RANBP2: variants seen among roughly 807,000 people sequenced by gnomAD.
The protein encoded by RANBP2 is RAN binding protein 2, also known as E3 SUMO-protein ligase RanBP2.
A neutral mutation model predicts 303.6 loss-of-function variants in RANBP2; 57 were observed. That is an observed-to-expected ratio of 0.19 (90% CI 0.15 to 0.23). The LOEUF is 0.23. Among genes scored for constraint, RANBP2 ranks in the 10% least tolerant of loss-of-function variants. The probability of loss-of-function intolerance (pLI) is 1.00; values close to 1 mark genes in which losing one functional copy is unlikely to be tolerated. For missense variants in RANBP2, 3,138 were observed against 3,780.8 expected (o/e 0.83, Z 4.46); for synonymous variants, 1,167 against 1,301.5 (o/e 0.90, Z 2.23).
the RANBP2 span, among the ~76,000 whole-genome samples, chr2:109,401,152 A>C: frequency 6.6e-6 from 1 of 152,130 alleles, no homozygotes; most frequent in African/African-American, 2.4e-5. Context: ...TGGTGCTAAG[A>C]CTGGGGGGAG....
At chr2:108,935,697 TG>T in the RANBP2 span, among the ~76,000 whole-genome samples, 7 of 152,230 alleles carry the variant, frequency 4.6e-5, no homozygotes, top group East Asian at 1.3e-3. Context: ...CCCTTAATCT[TG>T]TTAGAGTTCA....
chr2:109,717,227 A>G, the RANBP2 span, among the ~76,000 whole-genome samples: 6 of 151,238 alleles, frequency 4.0e-5, no homozygotes, highest in Non-Finnish European at 8.8e-5. Flanking sequence ...ATGTATTTCA[A>G]TATGCTTGCA....
chr2:109,643,634 A>G, the RANBP2 span, among the ~76,000 whole-genome samples: 1 of 151,754 alleles, frequency 6.6e-6, no homozygotes, highest in Non-Finnish European at 1.5e-5. Context: ...GCGTGGTGGC[A>G]CGTGACTGTG....
At chr2:109,077,241 G>T in the RANBP2 span, among the ~76,000 whole-genome samples, 1 of 150,474 alleles carries the variant, frequency 6.6e-6, no homozygotes, top group Admixed American at 6.6e-5. Flanking sequence ...AGCTCAAAAT[G>T]GATTAAAAAC....
the RANBP2 span, among the ~76,000 whole-genome samples, chr2:108,960,236 G>C: frequency 4.6e-5 from 7 of 152,328 alleles, no homozygotes; most frequent in East Asian, 1.2e-3. Flanking sequence ...GTCCACAAGA[G>C]CCTCAAACTG....
chr2:109,639,001 G>A, the RANBP2 span, among the ~76,000 whole-genome samples: 1 of 152,196 alleles, frequency 6.6e-6, no homozygotes, highest in Admixed American at 6.6e-5. Context: ...GCTAAGAGAC[G>A]TCGCCTGGAC....
chr2:108,929,349 A>C, the RANBP2 span: 1 of 1,614,042 alleles, frequency 6.2e-7, no homozygotes, highest in African/African-American at 1.3e-5. Flanking sequence ...ACGCAGCCGT[A>C]GTCCTCGTCT....
At chr2:109,507,250 G>A in the RANBP2 span, among the ~76,000 whole-genome samples, 1 of 152,126 alleles carries the variant, frequency 6.6e-6, no homozygotes. Context: ...CCCCCTTCCC[G>A]AGCCGGCCCC....
chr2:109,084,598 G>T, the RANBP2 span, among the ~76,000 whole-genome samples: 4 of 152,184 alleles, frequency 2.6e-5, no homozygotes, highest in African/African-American at 9.6e-5. Context: ...TCTTGTCTTT[G>T]CTTCTCAGAG....
At chr2:109,449,067 A>T in the RANBP2 span, 1 of 1,347,414 alleles carries the variant, frequency 7.4e-7, no homozygotes, top group Non-Finnish European at 1.0e-6. Flanking sequence ...AGAGGCTGTG[A>T]GTGCTCGAGA....
At chr2:109,606,320 C>CAGGAGA in the RANBP2 span, among the ~76,000 whole-genome samples, 22,472 of 152,044 alleles carry the variant, frequency 0.15, 2,188 homozygotes, top group Non-Finnish European at 0.22. Flanking sequence ...GAGGCTGAGG[C>CAGGAGA]AGGAGAATCG....
chr2:109,036,164 C>T, the RANBP2 span, among the ~76,000 whole-genome samples: 3 of 152,162 alleles, frequency 2.0e-5, no homozygotes, highest in Non-Finnish European at 2.9e-5. Flanking sequence ...CCAAACTCAA[C>T]GAGGATGATA....
At chr2:108,850,790 A>T in the RANBP2 span, among the ~76,000 whole-genome samples, 8 of 151,478 alleles carry the variant, frequency 5.3e-5, no homozygotes, top group African/African-American at 1.9e-4. Flanking sequence ...TCTAGGGAAA[A>T]CTCTTTAACT....
chr2:108,888,416 T>C, the RANBP2 span, among the ~76,000 whole-genome samples: 1 of 152,118 alleles, frequency 6.6e-6, no homozygotes, highest in African/African-American at 2.4e-5. Context: ...TTCTCTTCAA[T>C]TTTTTGGAAT....
chr2:108,787,939 C>T (rs1679183598), downstream of RANBP2: 2 of 1,082,466 alleles, frequency 1.8e-6, no homozygotes, highest in East Asian at 2.9e-5. Flanking sequence ...TCCACTCTAA[C>T]CTTTGTAATT....
chr2:109,478,467 T>A, the RANBP2 span, among the ~76,000 whole-genome samples: 6 of 152,192 alleles, frequency 3.9e-5, no homozygotes, highest in African/African-American at 1.4e-4. Flanking sequence ...TTGGTTTGAA[T>A]GTATTCAGTT....
chr2:109,009,519 CGTTT>C, the RANBP2 span, among the ~76,000 whole-genome samples: 11 of 151,524 alleles, frequency 7.3e-5, no homozygotes, highest in East Asian at 1.9e-4. Context: ...TTTTTTGTTG[CGTTT>C]GTTTGTTTGT....
the RANBP2 span, chr2:109,732,915 G>A: frequency 2.5e-6 from 2 of 790,236 alleles, no homozygotes; most frequent in Non-Finnish European, 4.4e-6. Flanking sequence ...ACACTATGTG[G>A]CCCCTGTGTA....
chr2:109,021,203 C>T, the RANBP2 span, among the ~76,000 whole-genome samples: 1 of 152,158 alleles, frequency 6.6e-6, no homozygotes, highest in Non-Finnish European at 1.5e-5. Context: ...TAAGCAACAC[C>T]GATCAGCATG....
Sources: gnomAD v4.1 joint callset for allele counts (sites outside exome capture counted in the v4.1 genomes callset) on GRCh38, gnomAD v4.1.1 for gene constraint, MANE v1.5 for transcripts, NCBI Gene and HGNC (gene_info 2026-07-23, HGNC 2026-07-21) for gene names.